The following RP1L1 variants were observed in gnomAD, a reference collection of about 807,000 sequenced individuals.
RP1L1 encodes the protein retinitis pigmentosa 1-like 1 protein.
Under a neutral mutation model 15.7 loss-of-function variants are expected in RP1L1, and 27 were observed. The ratio of observed to expected loss-of-function variants is 1.72; its 90% CI spans 1.27 to 2.38. The LOEUF is 2.38. Among genes scored for constraint, RP1L1 ranks in the 30% most tolerant of loss-of-function variants. The probability of loss-of-function intolerance (pLI) is 0.00; values close to 1 mark genes in which losing one functional copy is unlikely to be tolerated. For synonymous variants in RP1L1, 1,813 were observed against 1,276.7 expected (o/e 1.42, Z -8.96); for missense variants, 4,798 against 3,075.9 (o/e 1.56, Z -13.24).
At position 10,653,535 on chromosome 8, in the gene RP1L1, G is replaced by A. The variant is rs371660730; in HGVS notation, c.-20+1363C>T. On this transcript the variant is annotated intron_variant, in intron 1 of 3. Transcript: ENST00000382483. ...ACACATGCATCACATGCACACACAC[G>A]TCACATGCACACCCACCTGTATACA... Among the ~76,000 whole-genome samples, 297 of 147,834 alleles carry A rather than the reference G, an allele frequency of 2.0e-3. 1 individual carries two copies. The highest frequency in any genetic ancestry group is 7.0e-3 in the African/African-American group (279 of 39,760).
intron 1 of RP1L1, among the ~76,000 whole-genome samples, chr8:10,642,996 A>G (rs1443072629): frequency 6.6e-6 from 1 of 152,208 alleles, no homozygotes; most frequent in Non-Finnish European, 1.5e-5. Context: ...CTATGGAATT[A>G]TCTCCTTGAG....
At chr8:10,626,447 G>A (rs4543506) in intron 1 of RP1L1, among the ~76,000 whole-genome samples, 132,976 of 152,184 alleles carry the variant, frequency 0.87, 58,501 homozygotes, top group Non-Finnish European at 0.93. Flanking sequence ...TGCAGCCCCC[G>A]GAGAGAACAA....
rs200025737 is a variant in RP1L1 at position 10,611,150 on chromosome 8, G to T, written c.2948C>A (p.Ala983Asp). 1 of 1,612,930 alleles carries T rather than the reference G, an allele frequency of 6.2e-7. No individual in the cohort carries two copies. The highest frequency in any genetic ancestry group is 8.5e-7 in the Non-Finnish European group (1 of 1,180,012). The change falls in exon 4 of 4, where the codon GCT becomes GAT. Residue 983 changes from alanine to aspartate, a missense_variant. Ala to Asp is a moderately radical substitution (Grantham distance 126). Coordinates refer to ENST00000382483, the MANE Select transcript of RP1L1 (RefSeq NM_178857.6). Reference protein sequence around the residue: ...YELADETTGAAGGGLRGPEVD... With the variant: ...YELADETTGADGGGLRGPEVD... ...CTCGGGGCCTCTCAGGCCACCCCCA[G>T]CTGCACCTGTGGTCTCGTCCGCCAA...
intron 2 of RP1L1, among the ~76,000 whole-genome samples, chr8:10,618,287 C>T (rs1798002818): frequency 6.6e-6 from 1 of 152,028 alleles, no homozygotes; most frequent in Admixed American, 6.6e-5. Context: ...ATCCCTGGAG[C>T]CCAGGAGTTT....
At chr8:10,628,148 G>C (rs911975263) in intron 1 of RP1L1, among the ~76,000 whole-genome samples, 3 of 152,172 alleles carry the variant, frequency 2.0e-5, no homozygotes, top group African/African-American at 7.2e-5. Context: ...GGCTTTGAGT[G>C]ACCTACTTGA....
intron 1 of RP1L1, among the ~76,000 whole-genome samples, chr8:10,623,508 CAGAACCACCATGA>C (rs1162060361): frequency 4.4e-5 from 1 of 22,880 alleles, no homozygotes; most frequent in Non-Finnish European, 1.3e-4. Flanking sequence ...ACCATGTCCC[CAGAACCACCATGA>C]AACCAGGACC....
At chr8:10,641,955 G>C (rs1016926855) in intron 1 of RP1L1, among the ~76,000 whole-genome samples, 2 of 152,166 alleles carry the variant, frequency 1.3e-5, no homozygotes, top group Non-Finnish European at 2.9e-5. Flanking sequence ...GAGGGAAGTG[G>C]ATGTGGCTAT....
At chr8:10,617,351 G>A (rs890903114) in intron 2 of RP1L1, among the ~76,000 whole-genome samples, 3 of 136,980 alleles carry the variant, frequency 2.2e-5, no homozygotes, top group Admixed American at 1.6e-4. Flanking sequence ...TTAAAGCACA[G>A]AGCATGTTTT....
At chr8:10,652,605 T>TCTTG (rs2117273473) in intron 1 of RP1L1, among the ~76,000 whole-genome samples, 1 of 152,200 alleles carries the variant, frequency 6.6e-6, no homozygotes, top group Admixed American at 6.5e-5. Context: ...TGAACGAAAG[T>TCTTG]CTTGTTTCCT....
chr8:10,635,530 G>A (rs1008584151), intron 1 of RP1L1, among the ~76,000 whole-genome samples: 1 of 152,190 alleles, frequency 6.6e-6, no homozygotes, highest in African/African-American at 2.4e-5. Flanking sequence ...TACTGAGACT[G>A]GGCATGGTCA....
chr8:10,623,063 C>CAA lies in RP1L1; in HGVS notation c.137_138dup (p.Ala47LeufsTer111). 1 of 1,614,128 alleles carries CAA rather than the reference C, an allele frequency of 6.2e-7. No individual in the cohort carries two copies. The highest frequency in any genetic ancestry group is 1.3e-5 in the African/African-American group (1 of 75,044). On this transcript the variant is annotated frameshift_variant, in exon 2 of 4. Transcript: ENST00000382483. LOFTEE classifies it high-confidence loss of function. The stretch of plus-strand genomic sequence containing the variant: ...TGGTGAACGGCCAGGCGGACCCCAG[C>CAA]AAACCGTGGATCCCCTCGCTTGAGG...
chr8:10,613,048 C>A lies in RP1L1; in HGVS notation c.1050G>T (p.Thr350=), dbSNP rs371226747. 4 of 1,613,450 alleles carry A rather than the reference C, an allele frequency of 2.5e-6. No individual in the cohort carries two copies. In the African/African-American group the frequency reaches 5.3e-5, roughly 22 times the overall value. Residue 350 remains threonine, a synonymous_variant, in exon 4 of 4, where the codon ACG becomes ACT. Transcript: ENST00000382483. ...GAACGGGGTCTTCCCCACTGGCTGCCGTGAGGGCGCTGGCCCTGCCCATCC... is the reference window on the plus strand; with the variant it reads ...GAACGGGGTCTTCCCCACTGGCTGCAGTGAGGGCGCTGGCCCTGCCCATCC... ...SRRMGRASAL[T]AASGEDPVLG... is the part of the protein sequence containing the mutation.
rs199965589 is a variant in RP1L1 at position 10,609,423 on chromosome 8, C to A, written c.4675G>T (p.Glu1559Ter). The A allele has an allele frequency of 6.2e-7, 1 of 1,612,260 alleles. No individual in the cohort carries two copies. The highest frequency in any genetic ancestry group is 1.3e-5 in the African/African-American group (1 of 75,054). Residue 1559 changes from glutamate (E) to a stop codon, truncating the protein, a stop_gained, in exon 4 of 4, where the codon GAG becomes TAG. Coordinates refer to ENST00000382483, the MANE Select transcript of RP1L1 (RefSeq NM_178857.6). LOFTEE classifies it low-confidence loss of function (END_TRUNC). ...DNDLLDQMAA[E>*]LQQDVAQRLQ... ...CGTTGGGCCACGTCCTGCTGCAGCT[C>A]GGCCGCCATCTGGTCCAGCAGATCA...
At position 10,635,918 on chromosome 8, in the gene RP1L1, A is replaced by G. The variant is rs193187935; in HGVS notation, c.-19-12698T>C. 1.0e-3 allele frequency among the ~76,000 whole-genome samples: 155 copies of G among 152,348 alleles called. 2 individuals are homozygous for G. The highest frequency in any genetic ancestry group is 2.4e-3 in the African/African-American group (100 of 41,580). ...AAGATCCCCCGGGTCAGTCTATAGC[A>G]CCAACCCGCGGACAAAACCATCCCC... is the stretch of plus-strand genomic sequence containing the variant. On this transcript the variant is annotated intron_variant, in intron 1 of 3. Transcript: ENST00000382483.
chr8:10,633,722 G>C (rs529746114), intron 1 of RP1L1, among the ~76,000 whole-genome samples: 2 of 152,088 alleles, frequency 1.3e-5, no homozygotes, highest in African/African-American at 4.8e-5. Flanking sequence ...GCCCTGGAAC[G>C]TTCTCCAGAC....
At chr8:10,651,489 G>C (rs1027012855) in intron 1 of RP1L1, among the ~76,000 whole-genome samples, 6 of 152,168 alleles carry the variant, frequency 3.9e-5, no homozygotes, top group Non-Finnish European at 8.8e-5. Flanking sequence ...AGCACTTTGG[G>C]AGGCTGAGGT....
intron 1 of RP1L1, among the ~76,000 whole-genome samples, chr8:10,645,016 C>G (rs929379077): frequency 2.0e-5 from 3 of 152,202 alleles, no homozygotes; most frequent in African/African-American, 7.2e-5. Context: ...TGACCCCACT[C>G]AATGACCTCT....
intron 1 of RP1L1, among the ~76,000 whole-genome samples, chr8:10,649,627 C>G (rs1181215869): frequency 6.6e-6 from 1 of 152,202 alleles, no homozygotes; most frequent in Non-Finnish European, 1.5e-5. Context: ...GCCTGTAATT[C>G]CAGCACTTTG....
At chr8:10,623,313 A>T in intron 1 of RP1L1, 93 bp from the exon 2 acceptor site, 1 of 926,024 alleles carries the variant, frequency 1.1e-6, no homozygotes, top group Non-Finnish European at 1.6e-6. Context: ...CTTCCTGCCC[A>T]CCCCAAATGT....
Sources: allele counts gnomAD v4.1 joint callset (sites outside exome capture counted in the v4.1 genomes callset), GRCh38; gene constraint gnomAD v4.1.1; transcripts MANE v1.5; gene names NCBI Gene and HGNC (gene_info 2026-07-23, HGNC 2026-07-21).